FOXP2: variants seen among roughly 807,000 people sequenced by gnomAD.
The protein encoded by FOXP2 is forkhead box P2, also known as forkhead box protein P2.
A neutral mutation model predicts 115.8 loss-of-function variants in FOXP2; 12 were observed. That is an observed-to-expected ratio of 0.10 (90% CI 0.07 to 0.17). FOXP2 has a LOEUF of 0.17. Ranked by LOEUF, FOXP2 falls within the 10% of genes least tolerant of loss-of-function variation. The probability of loss-of-function intolerance (pLI) is 1.00; values close to 1 mark genes in which losing one functional copy is unlikely to be tolerated. For synonymous variants in FOXP2, 328 were observed against 297.7 expected (o/e 1.10, Z -1.05); for missense variants, 629 against 843.5 (o/e 0.75, Z 3.15).
chr7:114,355,388 G>T (rs146169618), intron 2 of FOXP2, among the ~76,000 whole-genome samples: 25 of 152,224 alleles, frequency 1.6e-4, no homozygotes, highest in Admixed American at 5.9e-4. Flanking sequence ...TTCTATAAAG[G>T]TACCAGAATA....
At chr7:114,644,646 T>C in intron 7 of FOXP2, 39 bp from the exon 8 acceptor site, 1 of 1,562,148 alleles carries the variant, frequency 6.4e-7, no homozygotes, top group Non-Finnish European at 8.8e-7. Context: ...CGATTATAGC[T>C]TTTTGAGATG....
chr7:114,375,444 A>T (rs1584676286), intron 2 of FOXP2, among the ~76,000 whole-genome samples: 1 of 152,200 alleles, frequency 6.6e-6, no homozygotes, highest in South Asian at 2.1e-4. Flanking sequence ...GAGACACAAA[A>T]TAACAGTGGC....
intron 1 of FOXP2, among the ~76,000 whole-genome samples, chr7:114,229,244 A>C (rs1794813859): frequency 6.6e-6 from 1 of 151,154 alleles, no homozygotes; most frequent in South Asian, 2.1e-4. Context: ...TTTAATATCC[A>C]ATGTTAGAGC....
intron 3 of FOXP2, among the ~76,000 whole-genome samples, chr7:114,578,453 T>G (rs1801682157): frequency 6.6e-6 from 1 of 152,082 alleles, no homozygotes; most frequent in Admixed American, 6.6e-5. Context: ...AAAAAAGTGT[T>G]AAAGAATAAA....
At chr7:114,385,303 G>C (rs1020121675) in intron 2 of FOXP2, among the ~76,000 whole-genome samples, 1 of 152,194 alleles carries the variant, frequency 6.6e-6, no homozygotes, top group Non-Finnish European at 1.5e-5. Context: ...CTAGGAGGCA[G>C]GGATCAGAGG....
At chr7:114,169,817 C>T (rs1266035496) in intron 1 of FOXP2, among the ~76,000 whole-genome samples, 1 of 152,116 alleles carries the variant, frequency 6.6e-6, no homozygotes, top group African/African-American at 2.4e-5. Flanking sequence ...TGGGACAGGT[C>T]TTTCCTATGT....
intron 6 of FOXP2, among the ~76,000 whole-genome samples, chr7:114,632,758 A>G (rs1384589659): frequency 6.6e-6 from 1 of 151,880 alleles, no homozygotes; most frequent in Non-Finnish European, 1.5e-5. Context: ...TGATTGAAGC[A>G]CTCCTAGGAA....
intron 1 of FOXP2, among the ~76,000 whole-genome samples, chr7:114,174,470 T>C (rs552157085): frequency 7.9e-5 from 12 of 152,178 alleles, no homozygotes; most frequent in African/African-American, 2.6e-4. Flanking sequence ...GGGGATCTGA[T>C]AGATATTTAT....
chr7:114,306,661 CAT>C (rs112654368), intron 2 of FOXP2, among the ~76,000 whole-genome samples: 3,510 of 152,164 alleles, frequency 0.023, 89 homozygotes, highest in African/African-American at 0.055. Context: ...TTTAAGACAA[CAT>C]AAACTTATTA....
chr7:114,112,539 AT>A lies in FOXP2; in HGVS notation c.-247+24702del, dbSNP rs554252920. On this transcript the variant is annotated intron_variant, in intron 1 of 19. Coordinates refer to the FOXP2 transcript ENST00000635638. ...GTCTCAAGCCCCTGAGCTCAAAGCT[AT>A]CCACCCACCTCGGCCTCCCAAAGTG... is the stretch of plus-strand genomic sequence containing the variant. Among the ~76,000 whole-genome samples the A allele has an allele frequency of 2.4e-3, 363 of 152,144 alleles. 2 individuals carry two copies. Among genetic ancestry groups the A allele is most frequent in the African/African-American group, 8.4e-3 (347 of 41,552 alleles).
At chr7:114,155,785 G>A (rs559118697) in intron 1 of FOXP2, among the ~76,000 whole-genome samples, 1 of 152,216 alleles carries the variant, frequency 6.6e-6, no homozygotes, top group Non-Finnish European at 1.5e-5. Context: ...TTATTAAAAC[G>A]TTTTCGATCA....
chr7:114,437,574 A>G (rs1168822504), intron 2 of FOXP2, among the ~76,000 whole-genome samples: 1 of 152,220 alleles, frequency 6.6e-6, no homozygotes. Flanking sequence ...GGAGTAAGTG[A>G]ACATTAATAG....
chr7:114,128,317 C>T lies in FOXP2; in HGVS notation c.-246-34627C>T, dbSNP rs527507172. 9.2e-5 allele frequency among the ~76,000 whole-genome samples: 14 copies of T among 152,180 alleles called. 2 individuals carry two copies. In the South Asian group the frequency reaches 2.9e-3, roughly 32 times the overall value. ...TAATCATCTGTGCTTGATCATGGCC[C>T]GTTGTTACCCTGAAGAATGAATGAA... On this transcript the variant is annotated intron_variant, in intron 1 of 19. Transcript: ENST00000635638.
At chr7:114,666,175 G>T (rs1187504821) in intron 16 of FOXP2, 1 of 151,886 alleles carries the variant, frequency 6.6e-6, no homozygotes, top group Non-Finnish European at 1.5e-5. Context: ...ATATGAATTA[G>T]TGCATTTGAA....
In FOXP2 at chr7:114,462,086, C is replaced by A. The variant is rs371548679; in HGVS notation, c.168+35407C>A. Reference sequence around the variant, plus strand: ...ACGAGGTCAAGAGATCCGAGACCATCCTGACCAACATGGCGAAGCCCCCGT... The same window carrying A: ...ACGAGGTCAAGAGATCCGAGACCATACTGACCAACATGGCGAAGCCCCCGT... On this transcript the variant is annotated intron_variant, in intron 2 of 16. Transcript: ENST00000350908. Among the ~76,000 whole-genome samples the A allele has an allele frequency of 4.1e-3, 622 of 151,748 alleles. 5 individuals are homozygous for A. Among genetic ancestry groups the A allele is most frequent in the Middle Eastern group, 0.031 (9 of 292 alleles).
At chr7:114,096,068 C>T (rs1427726947) in intron 1 of FOXP2, among the ~76,000 whole-genome samples, 1 of 152,092 alleles carries the variant, frequency 6.6e-6, no homozygotes, top group East Asian at 1.9e-4. Flanking sequence ...CTTTGCTTTC[C>T]CAGTCCCCAT....
At chr7:114,274,051 T>C (rs920102466) in intron 1 of FOXP2, among the ~76,000 whole-genome samples, 2 of 151,988 alleles carry the variant, frequency 1.3e-5, no homozygotes, top group African/African-American at 2.4e-5. Flanking sequence ...TTTATATAAT[T>C]TTATTTTTTC....
intron 1 of FOXP2, among the ~76,000 whole-genome samples, chr7:114,125,609 A>G (rs1022284205): frequency 1.3e-5 from 2 of 152,170 alleles, no homozygotes. Flanking sequence ...CTAATCTTTC[A>G]GAAGTTCTCT....
intron 1 of FOXP2, among the ~76,000 whole-genome samples, chr7:114,224,862 T>C (rs917100799): frequency 6.6e-6 from 1 of 152,196 alleles, no homozygotes; most frequent in Middle Eastern, 3.2e-3. Flanking sequence ...TTTTGGAAGA[T>C]GAATGAGCTA....
Sources: gnomAD v4.1 joint callset for allele counts (sites outside exome capture counted in the v4.1 genomes callset) on GRCh38, gnomAD v4.1.1 for gene constraint, MANE v1.5 for transcripts, NCBI Gene and HGNC (gene_info 2026-07-23, HGNC 2026-07-21) for gene names.